HSPA12A: variants seen among roughly 807,000 people sequenced by gnomAD.
HSPA12A encodes the protein heat shock protein family A (Hsp70) member 12A.
HSPA12A carries 28 observed loss-of-function variants against 69.2 expected under a neutral mutation model. That is an observed-to-expected ratio of 0.40 (90% CI 0.30 to 0.55). The LOEUF (loss-of-function observed/expected upper bound fraction) is 0.55, where lower values mean the gene tolerates loss of function less well. Among genes scored for constraint, HSPA12A ranks in the 20% least tolerant of loss-of-function variants. The probability of loss-of-function intolerance (pLI) is 0.38; values close to 1 mark genes in which losing one functional copy is unlikely to be tolerated. For missense variants in HSPA12A, 686 were observed against 900.7 expected (o/e 0.76, Z 3.05); for synonymous variants, 345 against 370.5 (o/e 0.93, Z 0.79).
intron 2 of HSPA12A, among the ~76,000 whole-genome samples, chr10:116,802,042 G>T (rs1313807048): frequency 1.3e-5 from 2 of 152,340 alleles, no homozygotes; most frequent in East Asian, 3.9e-4. Flanking sequence ...CCACCCTGGG[G>T]AGGGCATAAG....
chr10:116,738,432 T>C (rs1283012385), intron 1 of HSPA12A, among the ~76,000 whole-genome samples: 1 of 152,174 alleles, frequency 6.6e-6, no homozygotes, highest in African/African-American at 2.4e-5. Context: ...AGAAAGAGCA[T>C]TGAGAGAAAC....
At chr10:116,739,620 C>T (rs376975769) in intron 1 of HSPA12A, among the ~76,000 whole-genome samples, 52 of 152,246 alleles carry the variant, frequency 3.4e-4, no homozygotes, top group African/African-American at 1.2e-3. Context: ...TTCATCTCAC[C>T]CTTCTAGGGC....
intron 2 of HSPA12A, among the ~76,000 whole-genome samples, chr10:116,799,079 C>T (rs1201550625): frequency 1.3e-5 from 2 of 152,136 alleles, no homozygotes; most frequent in African/African-American, 4.8e-5. Context: ...ACTCCCACAG[C>T]CTGGTCAGGA....
intron 1 of HSPA12A, among the ~76,000 whole-genome samples, chr10:116,724,293 T>TA (rs1412004197): frequency 1.3e-5 from 2 of 152,204 alleles, no homozygotes; most frequent in Non-Finnish European, 2.9e-5. Context: ...TAAAACTTTA[T>TA]AAAAAAATTT....
At chr10:116,850,641 G>A (rs1846050753), upstream of HSPA12A, among the ~76,000 whole-genome samples, 1 of 151,982 alleles carries the variant, frequency 6.6e-6, no homozygotes, top group Non-Finnish European at 1.5e-5. Context: ...GCAAAACCAC[G>A]TCGTATTGAG....
At chr10:116,752,832 A>G (rs1212572425) in intron 2 of HSPA12A, among the ~76,000 whole-genome samples, 4 of 152,208 alleles carry the variant, frequency 2.6e-5, no homozygotes, top group Non-Finnish European at 4.4e-5. Context: ...ATAATGCTTA[A>G]CCCAGTTTCT....
intron 1 of HSPA12A, among the ~76,000 whole-genome samples, chr10:116,714,458 T>A (rs560892931): frequency 6.6e-6 from 1 of 152,130 alleles, no homozygotes; most frequent in African/African-American, 2.4e-5. Context: ...CTAATTAGCA[T>A]CTCTTGCATT....
chr10:116,714,748 T>C (rs1850556269), intron 1 of HSPA12A, among the ~76,000 whole-genome samples: 1 of 152,190 alleles, frequency 6.6e-6, no homozygotes, highest in Non-Finnish European at 1.5e-5. Flanking sequence ...CTCTGCAGTC[T>C]CTTCTCTCTC....
At chr10:116,757,332 T>A (rs1843871526) in intron 2 of HSPA12A, among the ~76,000 whole-genome samples, 2 of 152,178 alleles carry the variant, frequency 1.3e-5, no homozygotes, top group Admixed American at 1.3e-4. Context: ...AGCTCTCGCA[T>A]GGGCTGACCC....
At chr10:116,782,882 G>C (rs1246594026) in intron 2 of HSPA12A, among the ~76,000 whole-genome samples, 2 of 152,146 alleles carry the variant, frequency 1.3e-5, no homozygotes, top group South Asian at 2.1e-4. Flanking sequence ...CTGACTCCCA[G>C]GCCTGATGCC....
rs1849116821 is a variant in HSPA12A, at chr10:116,672,571, G to A, written c.*2210C>T. On this transcript the variant is annotated 3_prime_UTR_variant, in exon 12 of 12. Transcript: ENST00000369209. The stretch of plus-strand genomic sequence containing the variant: ...GCATCAGCACAGATCGATGCTTAGT[G>A]AGCACAATTAAGAAACCAAACTATG... 6.6e-6 allele frequency: 1 copy of A among 152,430 alleles called. No individual in the cohort carries two copies. Among genetic ancestry groups the A allele is most frequent in the Non-Finnish European group, 1.5e-5 (1 of 68,034 alleles). The allele number at this position is 152,430 out of a possible 1,614,324, so 9.4% of individuals were successfully genotyped here.
chr10:116,795,391 G>A (rs1211169608), intron 2 of HSPA12A, among the ~76,000 whole-genome samples: 1 of 152,082 alleles, frequency 6.6e-6, no homozygotes, highest in Non-Finnish European at 1.5e-5. Flanking sequence ...AAATTACTTA[G>A]TAAGAGGCCA....
intron 1 of HSPA12A, among the ~76,000 whole-genome samples, chr10:116,730,213 A>T (rs1554885538): frequency 1.3e-5 from 2 of 152,224 alleles, no homozygotes; most frequent in Admixed American, 6.5e-5. Flanking sequence ...GATGCCTAAC[A>T]TTGACTGCAC....
intron 2 of HSPA12A, among the ~76,000 whole-genome samples, chr10:116,812,839 C>A (rs1477940786): frequency 6.6e-6 from 1 of 152,098 alleles, no homozygotes; most frequent in Admixed American, 6.5e-5. Context: ...CTTTGGGCAG[C>A]CTCACAGGAA....
At chr10:116,807,820 C>A (rs1349619593) in intron 2 of HSPA12A, among the ~76,000 whole-genome samples, 1 of 152,192 alleles carries the variant, frequency 6.6e-6, no homozygotes, top group Non-Finnish European at 1.5e-5. Flanking sequence ...TCCTGGCCCT[C>A]TGGCTACCAA....
At position 116,754,500 on chromosome 10, in the gene HSPA12A, G is replaced by C. The variant is rs142220243; in HGVS notation, c.92-47215C>G. On this transcript the variant is annotated intron_variant, in intron 2 of 12. Coordinates refer to the HSPA12A transcript ENST00000635765. ...TGGTTTTTAGAAACTAAGAAAATTG[G>C]GGATAAGAAGAAAAATAGACACTGA... Among the ~76,000 whole-genome samples, 917 of 152,202 alleles carry C rather than the reference G, an allele frequency of 6.0e-3. 23 individuals are homozygous for C. Among genetic ancestry groups the C allele is most frequent in the Admixed American group, 0.049 (750 of 15,286 alleles).
intron 11 of HSPA12A, among the ~76,000 whole-genome samples, 165 bp downstream of exon 11, chr10:116,676,234 C>G (rs1849230894): frequency 6.6e-6 from 1 of 152,252 alleles, no homozygotes; most frequent in Admixed American, 6.5e-5. Context: ...GCCCAGTAAC[C>G]TCTCCCATAC....
chr10:116,754,175 A>G (rs1213406130), intron 2 of HSPA12A, among the ~76,000 whole-genome samples: 1 of 152,118 alleles, frequency 6.6e-6, no homozygotes, highest in Non-Finnish European at 1.5e-5. Context: ...GGTGGGAGGG[A>G]GGAGAAGGAA....
At chr10:116,777,983 C>T (rs1844378898) in intron 2 of HSPA12A, among the ~76,000 whole-genome samples, 3 of 152,210 alleles carry the variant, frequency 2.0e-5, no homozygotes. Context: ...GCCTCAACCT[C>T]CCAAAGTGCT....
Sources: gnomAD v4.1 joint callset for allele counts (sites outside exome capture counted in the v4.1 genomes callset) on GRCh38, gnomAD v4.1.1 for gene constraint, MANE v1.5 for transcripts, NCBI Gene and HGNC (gene_info 2026-07-23, HGNC 2026-07-21) for gene names.